Variants in FMN2 observed in about 807,000 individuals in gnomAD.
FMN2 encodes the protein formin-2.
FMN2 carries 51 observed loss-of-function variants against 142.3 expected under a neutral mutation model. The ratio of observed to expected loss-of-function variants is 0.36; its 90% confidence interval spans 0.29 to 0.45. The LOEUF (loss-of-function observed/expected upper bound fraction) is 0.45, where lower values mean the gene tolerates loss of function less well. Among genes scored for constraint, FMN2 ranks in the 20% least tolerant of loss-of-function variants. FMN2 has a pLI of 1.00. For synonymous variants in FMN2, 882 were observed against 869.8 expected (o/e 1.01, Z -0.25); for missense variants, 1,936 against 2,122.8 (o/e 0.91, Z 1.73).
chr1:240,313,801 C>G (rs1022231948), intron 8 of FMN2, among the ~76,000 whole-genome samples: 1 of 152,038 alleles, frequency 6.6e-6, no homozygotes, highest in East Asian at 1.9e-4. Context: ...AACCCCGTCT[C>G]TACTAGAAAT....
intron 7 of FMN2, among the ~76,000 whole-genome samples, chr1:240,289,109 CTG>C (rs1669689057): frequency 1.3e-5 from 2 of 152,110 alleles, no homozygotes; most frequent in Admixed American, 1.3e-4. Flanking sequence ...GTAATAAACA[CTG>C]TGAGATTTTC....
chr1:240,295,232 A>T lies in FMN2; in HGVS notation c.4215+349A>T, dbSNP rs571437614. ...CACACACACACACACACACTCACAC[A>T]CACTTAAAATTTTAAAATATGTAAC... is the stretch of plus-strand genomic sequence containing the variant. On this transcript the variant is annotated intron_variant, in intron 8 of 17. Coordinates refer to ENST00000319653, the MANE Select transcript of FMN2 (RefSeq NM_020066.5). Among the ~76,000 whole-genome samples the T allele has an allele frequency of 2.1e-4, 32 of 151,444 alleles. 1 individual carries two copies. In the South Asian group the frequency reaches 6.5e-3, roughly 31 times the overall value.
intron 6 of FMN2, among the ~76,000 whole-genome samples, chr1:240,255,137 C>A (rs1192147291): frequency 6.6e-6 from 1 of 152,160 alleles, no homozygotes; most frequent in Admixed American, 6.5e-5. Context: ...ACCTTAATCA[C>A]ATTAGAGAAC....
At chr1:240,208,802 G>C in intron 5 of FMN2, 70 bp downstream of exon 5, 1 of 1,499,278 alleles carries the variant, frequency 6.7e-7, no homozygotes, top group Non-Finnish European at 8.9e-7. Context: ...CTTCAAACTC[G>C]GGAAAATTAC....
chr1:240,459,699 A>T (rs1676374582), intron 16 of FMN2, among the ~76,000 whole-genome samples: 1 of 124,508 alleles, frequency 8.0e-6, no homozygotes, highest in African/African-American at 3.0e-5. Flanking sequence ...CCTGGGTGAC[A>T]GAACAAGACT....
At chr1:240,310,846 T>A (rs903852653) in intron 8 of FMN2, among the ~76,000 whole-genome samples, 6 of 152,196 alleles carry the variant, frequency 3.9e-5, no homozygotes, top group African/African-American at 1.4e-4. Context: ...CAAAAATGTG[T>A]CTGTTAAAAT....
intron 8 of FMN2, among the ~76,000 whole-genome samples, chr1:240,313,834 C>T (rs908278079): frequency 2.6e-5 from 4 of 151,822 alleles, no homozygotes; most frequent in South Asian, 2.1e-4. Context: ...ATTAGCTGGG[C>T]GTGGCGATGT....
intron 16 of FMN2, among the ~76,000 whole-genome samples, chr1:240,439,950 T>A (rs910537517): frequency 2.0e-5 from 3 of 152,182 alleles, no homozygotes; most frequent in Admixed American, 2.0e-4. Flanking sequence ...GAAACTTATT[T>A]ACACTAAGGT....
intron 6 of FMN2, among the ~76,000 whole-genome samples, chr1:240,225,115 G>C (rs1667252433): frequency 6.6e-6 from 1 of 152,162 alleles, no homozygotes; most frequent in Non-Finnish European, 1.5e-5. Flanking sequence ...CAAACAATAA[G>C]CTATTCTGAC....
At chr1:240,101,866 G>A (rs988230825) in intron 1 of FMN2, among the ~76,000 whole-genome samples, 4 of 152,046 alleles carry the variant, frequency 2.6e-5, no homozygotes, top group African/African-American at 9.7e-5. Context: ...GTTATATAAT[G>A]TATGGCTCGA....
At chr1:240,463,422 G>A (rs1676511250) in intron 16 of FMN2, among the ~76,000 whole-genome samples, 1 of 152,168 alleles carries the variant, frequency 6.6e-6, no homozygotes, top group African/African-American at 2.4e-5. Flanking sequence ...GGCCCAGGTG[G>A]GTGAGAGGAA....
chr1:240,310,581 A>G (rs1053364259), intron 8 of FMN2, among the ~76,000 whole-genome samples: 1 of 152,226 alleles, frequency 6.6e-6, no homozygotes, highest in Non-Finnish European at 1.5e-5. Flanking sequence ...GTTTTTAAAA[A>G]CAAAAATCAT....
At position 240,206,811 on chromosome 1, in the gene FMN2, A is replaced by C. The variant is rs1448783726; in HGVS notation, c.1999A>C (p.Met667Leu). ...TGTCGCCCTTCAGGAAGTTGTTGAC[A>C]TGAAGTCTGAGGGACAGGCCACTGT... ...SDAVQKEVVDMKSEGQATVIQ... is the reference protein window; with the variant it reads ...SDAVQKEVVDLKSEGQATVIQ... Residue 667 changes from methionine (M) to leucine (L), a missense_variant, in exon 5 of 18, where the codon ATG becomes CTG. Around this residue, in one of 8 missense-constraint regions of FMN2, gnomAD observed 478 missense variants for 462.8 expected, o/e 1.03. Coordinates refer to ENST00000319653, the MANE Select transcript of FMN2 (RefSeq NM_020066.5). The C allele has an allele frequency of 1.9e-6, 3 of 1,606,764 alleles. No homozygotes were observed. The highest frequency in any genetic ancestry group is 2.2e-5 in the East Asian group (1 of 44,670).
chr1:240,106,630 A>G (rs1361075346), intron 1 of FMN2, among the ~76,000 whole-genome samples: 1 of 152,080 alleles, frequency 6.6e-6, no homozygotes, highest in Non-Finnish European at 1.5e-5. Context: ...TCCTGTTAAA[A>G]TATACCTCCA....
At chr1:240,102,864 ATTT>A (rs112563396) in intron 1 of FMN2, among the ~76,000 whole-genome samples, 6 of 138,452 alleles carry the variant, frequency 4.3e-5, no homozygotes, top group Admixed American at 7.3e-5. Context: ...TGATCCTTTA[ATTT>A]TTTTTTTTTT....
At position 240,228,556 on chromosome 1, in the gene FMN2, G is replaced by A. The variant is rs143368645; in HGVS notation, c.4065+17321G>A. ...ATAGCTAGCATGATAAGGATGCGGA[G>A]AAACTGGAACCCTCATACACCGCTG... is the stretch of plus-strand genomic sequence containing the variant. On this transcript the variant is annotated intron_variant, in intron 6 of 17. Coordinates refer to ENST00000319653, the MANE Select transcript of FMN2 (RefSeq NM_020066.5). 1.2e-4 allele frequency among the ~76,000 whole-genome samples: 18 copies of A among 152,140 alleles called. No individual in the cohort carries two copies. In the East Asian group the frequency reaches 3.5e-3, roughly 29 times the overall value.
chr1:240,437,067 T>C (rs565106078), intron 15 of FMN2, among the ~76,000 whole-genome samples: 1 of 152,058 alleles, frequency 6.6e-6, no homozygotes, highest in East Asian at 1.9e-4. Flanking sequence ...TGGAAGACTT[T>C]TGTGAAGTCA....
chr1:240,332,390 C>T (rs982025591), intron 11 of FMN2, among the ~76,000 whole-genome samples: 1 of 128,732 alleles, frequency 7.8e-6, no homozygotes, highest in African/African-American at 3.1e-5. Context: ...GAAAGAAAAG[C>T]CCTTTTCTTA....
chr1:240,404,153 CTATT>C (rs753703659), intron 15 of FMN2, among the ~76,000 whole-genome samples: 5 of 152,134 alleles, frequency 3.3e-5, no homozygotes, highest in Non-Finnish European at 5.9e-5. Context: ...CAGTATGTAA[CTATT>C]CATTTGTCAC....
Sources: allele counts gnomAD v4.1 joint callset (sites outside exome capture counted in the v4.1 genomes callset), GRCh38; gene constraint gnomAD v4.1.1; regional missense constraint gnomAD v4.1.1; transcripts MANE v1.5; gene names NCBI Gene and HGNC (gene_info 2026-07-23, HGNC 2026-07-21).